Variants in PTPN21 observed in about 807,000 individuals in gnomAD.
PTPN21 encodes the protein tyrosine-protein phosphatase non-receptor type 21.
In PTPN21, 77 loss-of-function variants were observed where a neutral mutation model predicts 131.8. The observed-to-expected ratio is 0.58, with a 90% CI of 0.49 to 0.71. The LOEUF is 0.71. Ranked by LOEUF, PTPN21 falls within the 30% of genes least tolerant of loss-of-function variation. The pLI is 0.00. For synonymous variants in PTPN21, 715 were observed against 621.3 expected (o/e 1.15, Z -2.24); for missense variants, 1,552 against 1,527.1 (o/e 1.02, Z -0.27).
chr14:88,484,984 C>A, intron 12 of PTPN21, 92 bp downstream of exon 12: 1 of 1,125,380 alleles, frequency 8.9e-7, no homozygotes, highest in South Asian at 1.3e-5. Flanking sequence ...CAACTTCAGC[C>A]AAAAACTGTC....
chr14:88,545,127 G>A (rs1439119477), intron 2 of PTPN21, among the ~76,000 whole-genome samples: 2 of 152,078 alleles, frequency 1.3e-5, no homozygotes, highest in Admixed American at 6.6e-5. Flanking sequence ...GAGCCACCGC[G>A]CCTGGCCGAC....
intron 10 of PTPN21, among the ~76,000 whole-genome samples, chr14:88,492,221 G>C (rs926519635): frequency 2.6e-5 from 4 of 152,150 alleles, no homozygotes; most frequent in Non-Finnish European, 1.5e-5. Flanking sequence ...ACTTATTAAA[G>C]TCTTTAAAAT....
intron 2 of PTPN21, among the ~76,000 whole-genome samples, chr14:88,543,470 T>G (rs1207666403): frequency 6.6e-6 from 1 of 152,176 alleles, no homozygotes; most frequent in Non-Finnish European, 1.5e-5. Context: ...GGAAATAAAA[T>G]CAGAGCAAAC....
At chr14:88,534,111 C>T (rs1292413066) in intron 2 of PTPN21, among the ~76,000 whole-genome samples, 6 of 151,736 alleles carry the variant, frequency 4.0e-5, no homozygotes, top group Admixed American at 2.0e-4. Flanking sequence ...GTGGCTCACA[C>T]GTGTAATCTC....
chr14:88,532,110 A>T (rs1162797906), intron 2 of PTPN21, among the ~76,000 whole-genome samples: 4 of 143,926 alleles, frequency 2.8e-5, no homozygotes, highest in African/African-American at 5.0e-5. Context: ...AACGGTAATT[A>T]AAAAAAAAAA....
Position 88,468,251 on chromosome 14 carries a change from C to A in PTPN21, c.3411G>T (p.Pro1137=). The change falls in exon 19 of 19, where the codon CCG becomes CCT. Residue 1137 remains proline, a synonymous_variant. Coordinates refer to ENST00000556564, the MANE Select transcript of PTPN21 (RefSeq NM_007039.4). ...GTTGCCTCAGCATGTCCAGCACTCT[C>A]GGGATGTCCAGCACCTAGGTTGAGA... is the stretch of plus-strand genomic sequence containing the variant. ...CLEHNEVLDI[P]RVLDMLRQQR... is the part of the protein sequence containing the mutation. The A allele has an allele frequency of 6.2e-7, 1 of 1,605,268 alleles. No homozygotes were observed. Among genetic ancestry groups the A allele is most frequent in the South Asian group, 1.1e-5 (1 of 89,448 alleles).
At position 88,478,909 on chromosome 14, in the gene PTPN21, G is replaced by A. The variant is rs780619398; in HGVS notation, c.2511+11C>T. Reference sequence around the variant, plus strand: ...GTCCCCTGGCCCGGCACTGCTCGCCGCGTGGCTTACCCCTAGAGGCGGGAG... The same window carrying A: ...GTCCCCTGGCCCGGCACTGCTCGCCACGTGGCTTACCCCTAGAGGCGGGAG... On this transcript the variant is annotated intron_variant, in intron 13 of 18. Coordinates refer to ENST00000556564, the MANE Select transcript of PTPN21 (RefSeq NM_007039.4). 25 of 1,464,142 alleles carry A rather than the reference G, an allele frequency of 1.7e-5. No homozygotes were observed. The highest frequency in any genetic ancestry group is 1.8e-5 in the Non-Finnish European group (20 of 1,108,950). 90.7% of individuals were successfully genotyped at this position (1,464,142 alleles called of 1,614,324 possible). A position where few individuals can be genotyped will look rare whatever the true frequency, so the allele number is the denominator to read the frequency against.
Position 88,467,314 on chromosome 14 carries a change from T to C in PTPN21, c.*823A>G, listed in dbSNP as rs57458535. Reference sequence around the variant, plus strand: ...TAAAACCACCCTAGGCAATTGTTTTTCACTTCATTTTCAACCAATAAAATC... The same window carrying C: ...TAAAACCACCCTAGGCAATTGTTTTCCACTTCATTTTCAACCAATAAAATC... On this transcript the variant is annotated 3_prime_UTR_variant, in exon 19 of 19. Transcript: ENST00000556564. The C allele has an allele frequency of 8.1e-4, 123 of 152,350 alleles. No homozygotes were observed. Among genetic ancestry groups the C allele is most frequent in the African/African-American group, 2.8e-3 (116 of 41,588 alleles). The allele number at this position is 152,350 out of a possible 1,614,324, so 9.4% of individuals were successfully genotyped here.
rs1455886933 is a variant in PTPN21, at chr14:88,479,527, C to T, written c.1904G>A (p.Arg635Gln). Residue 635 changes from arginine to glutamine, a missense_variant, in exon 13 of 19, where the codon CGG (arginine) becomes CAG (glutamine). By Grantham distance (43) the Arg-to-Gln change is conservative. Transcript: ENST00000556564. ...TAARHAQLHKRNSIEVAGLSH... is the reference protein window; with the variant it reads ...TAARHAQLHKQNSIEVAGLSH... ...GAGCCCGGCCACCTCGATGCTGTTC[C>T]GTTTGTGCAGCTGCGCGTGGCGCGC... is the stretch of plus-strand genomic sequence containing the variant. The T allele has an allele frequency of 1.9e-6, 3 of 1,600,622 alleles. No homozygotes were observed. The highest frequency in any genetic ancestry group is 2.2e-5 in the South Asian group (2 of 91,014).
At chr14:88,542,076 A>G (rs2078715208) in intron 2 of PTPN21, among the ~76,000 whole-genome samples, 2 of 152,240 alleles carry the variant, frequency 1.3e-5, no homozygotes, top group African/African-American at 2.4e-5. Flanking sequence ...AAGTTCGAGC[A>G]GAAGTCTGAT....
intron 2 of PTPN21, among the ~76,000 whole-genome samples, chr14:88,546,589 A>T (rs1233144195): frequency 6.6e-6 from 1 of 151,898 alleles, no homozygotes; most frequent in African/African-American, 2.4e-5. Context: ...AAAAAAAAAA[A>T]AAAAAATTGT....
intron 1 of PTPN21, chr14:88,551,237 A>G (rs1287525142): frequency 6.6e-6 from 1 of 152,268 alleles, no homozygotes; most frequent in Non-Finnish European, 1.5e-5. Flanking sequence ...TCCATTTACC[A>G]CTAGAAGAGT....
chr14:88,539,208 C>T (rs1010573826), intron 2 of PTPN21, among the ~76,000 whole-genome samples: 5 of 150,334 alleles, frequency 3.3e-5, no homozygotes, highest in Non-Finnish European at 5.9e-5. Context: ...CTCAGCTTCC[C>T]GAGTAGCTGA....
chr14:88,487,160 AT>A (rs113432422), intron 10 of PTPN21, among the ~76,000 whole-genome samples: 2 of 151,354 alleles, frequency 1.3e-5, no homozygotes, highest in South Asian at 2.1e-4. Flanking sequence ...TAAAGGCAAG[AT>A]TTTTTTTTCT....
At chr14:88,505,283 C>T in intron 5 of PTPN21, 21 bp downstream of exon 5, 7 of 1,550,080 alleles carry the variant, frequency 4.5e-6, no homozygotes, top group Non-Finnish European at 6.2e-6. Context: ...TTAAAAGGCC[C>T]AGTGTCAAAA....
intron 3 of PTPN21, among the ~76,000 whole-genome samples, chr14:88,511,027 C>G (rs1595383802): frequency 6.6e-6 from 1 of 151,926 alleles, no homozygotes; most frequent in Non-Finnish European, 1.5e-5. Context: ...ATCCTTGAGC[C>G]TCAGCCTCCT....
chr14:88,479,254 CG>C lies in PTPN21; in HGVS notation c.2176del (p.Arg726GlyfsTer46). On this transcript the variant is annotated frameshift_variant, in exon 13 of 19. Coordinates refer to ENST00000556564, the MANE Select transcript of PTPN21 (RefSeq NM_007039.4). LOFTEE classifies it high-confidence loss of function. ...DEDFEEESGARAPPARAREPR... is the reference protein window; with the variant it reads ...DEDFEEESGAXAPPARAREPR... ...CTCGCGCGCACGTGCAGGAGGCGCC[CG>C]GGCCCCGCTCTCCTCCTCGAAGTCC... 6.2e-7 allele frequency: 1 copy of C among 1,611,214 alleles called. No homozygotes were observed. The highest frequency in any genetic ancestry group is 8.5e-7 in the Non-Finnish European group (1 of 1,178,730).
intron 2 of PTPN21, among the ~76,000 whole-genome samples, chr14:88,523,749 AC>A (rs2078435100): frequency 6.7e-6 from 1 of 150,032 alleles, no homozygotes; most frequent in African/African-American, 2.5e-5. Flanking sequence ...ACACACACAC[AC>A]ACACACCCCT....
chr14:88,479,264 T>TCTCCTCCTCGAAGTCCTCGTC lies in PTPN21; in HGVS notation c.2146_2166dup (p.Asp716_Glu722dup). On this transcript the variant is annotated inframe_insertion, in exon 13 of 19. Transcript: ENST00000556564. ...CGTGCAGGAGGCGCCCGGGCCCCGC[T>TCTCCTCCTCGAAGTCCTCGTC]CTCCTCCTCGAAGTCCTCGTCCTCC... 6.2e-7 allele frequency: 1 copy of TCTCCTCCTCGAAGTCCTCGTC among 1,612,510 alleles called. No homozygotes were observed. The highest frequency in any genetic ancestry group is 8.5e-7 in the Non-Finnish European group (1 of 1,179,276).
Sources: allele counts gnomAD v4.1 joint callset (sites outside exome capture counted in the v4.1 genomes callset), GRCh38; gene constraint gnomAD v4.1.1; transcripts MANE v1.5; gene names NCBI Gene and HGNC (gene_info 2026-07-23, HGNC 2026-07-21).